ACTR3C: variants seen among roughly 807,000 people sequenced by gnomAD.
The protein encoded by ACTR3C is actin related protein 3C, also known as actin-related protein 3C.
In ACTR3C, 18 loss-of-function variants were observed where a neutral mutation model predicts 26.3. The ratio of observed to expected loss-of-function variants is 0.68; its 90% CI spans 0.47 to 1.01. The LOEUF (loss-of-function observed/expected upper bound fraction) is 1.01, where lower values mean the gene tolerates loss of function less well. Ranked by LOEUF, ACTR3C falls within the 50% of genes least tolerant of loss-of-function variation. ACTR3C has a pLI of 0.00. For synonymous variants in ACTR3C, 55 were observed against 94.5 expected, an observed-to-expected ratio of 0.58 and a Z score of 2.42; for missense variants, 184 against 250.7, an observed-to-expected ratio of 0.73 and a Z score of 1.80.
chr7:150,317,870 T>C (rs1158504589), intron 1 of ACTR3C, among the ~76,000 whole-genome samples: 1 of 151,932 alleles, frequency 6.6e-6, no homozygotes, highest in South Asian at 2.1e-4. Flanking sequence ...CAAGAACACA[T>C]CTGCAGTTGA....
the ACTR3C span, among the ~76,000 whole-genome samples, chr7:150,140,618 T>C: frequency 6.6e-6 from 1 of 152,208 alleles, no homozygotes; most frequent in Non-Finnish European, 1.5e-5. Flanking sequence ...TAGAGTTTGA[T>C]CACACACCTC....
chr7:150,238,274 T>C, the ACTR3C span, among the ~76,000 whole-genome samples: 122 of 129,122 alleles, frequency 9.4e-4, 5 homozygotes, highest in African/African-American at 4.1e-3. Context: ...CAGTAGGAGA[T>C]AACTTCGGAT....
the ACTR3C span, among the ~76,000 whole-genome samples, chr7:149,930,658 G>A: frequency 6.6e-6 from 1 of 152,212 alleles, no homozygotes; most frequent in Non-Finnish European, 1.5e-5. Flanking sequence ...GTGGCAACAG[G>A]GAAAGATGAA....
the ACTR3C span, among the ~76,000 whole-genome samples, chr7:150,032,931 C>T: frequency 6.3e-4 from 96 of 152,172 alleles, 1 homozygote; most frequent in East Asian, 0.015. Flanking sequence ...GGGTGGATTC[C>T]GGGCACTTGA....
downstream of ACTR3C, among the ~76,000 whole-genome samples, chr7:150,240,846 T>A (rs1832139194): frequency 6.6e-6 from 1 of 152,238 alleles, no homozygotes; most frequent in Non-Finnish European, 1.5e-5. Flanking sequence ...CCAGATCTAA[T>A]AATTGATGAT....
chr7:149,881,962 G>GT, the ACTR3C span: 2,805 of 153,066 alleles, frequency 0.018, 79 homozygotes, highest in African/African-American at 0.064. Flanking sequence ...GAGTGGGCAG[G>GT]TGGGGGGTGA....
the ACTR3C span, among the ~76,000 whole-genome samples, chr7:150,165,481 G>T: frequency 6.6e-6 from 1 of 150,976 alleles, no homozygotes; most frequent in Admixed American, 6.6e-5. Flanking sequence ...GTACTTTCTT[G>T]GGGAGAAGTT....
chr7:150,183,933 A>G, the ACTR3C span, among the ~76,000 whole-genome samples: 1 of 150,092 alleles, frequency 6.7e-6, no homozygotes, highest in African/African-American at 2.5e-5. Flanking sequence ...AGTGTCTGAT[A>G]TTTCCCCTAC....
chr7:150,290,274 T>A (rs1314612750), intron 3 of ACTR3C, among the ~76,000 whole-genome samples: 1 of 152,034 alleles, frequency 6.6e-6, no homozygotes, highest in East Asian at 1.9e-4. Context: ...GAAAGGAGGG[T>A]GACCACGACC....
the ACTR3C span, among the ~76,000 whole-genome samples, chr7:150,089,614 C>A: frequency 6.6e-6 from 1 of 152,290 alleles, no homozygotes; most frequent in South Asian, 2.1e-4. Flanking sequence ...TAAAGGTTAT[C>A]CTGCACTCAA....
At chr7:150,168,193 A>T in the ACTR3C span, among the ~76,000 whole-genome samples, 1 of 150,702 alleles carries the variant, frequency 6.6e-6, no homozygotes, top group Non-Finnish European at 1.5e-5. Context: ...AGAGGAGGTG[A>T]GGGGTGGCCA....
At chr7:150,037,759 C>G in the ACTR3C span, among the ~76,000 whole-genome samples, 1 of 41,880 alleles carries the variant, frequency 2.4e-5, no homozygotes, top group Non-Finnish European at 6.2e-5. Context: ...CCCACCCTCG[C>G]GGGGGGTGCC....
chr7:150,104,347 C>T, the ACTR3C span, among the ~76,000 whole-genome samples: 3 of 151,828 alleles, frequency 2.0e-5, no homozygotes, highest in African/African-American at 2.4e-5. Flanking sequence ...GAACTGGTTG[C>T]CTAATAAAAA....
At chr7:149,959,222 G>A in the ACTR3C span, among the ~76,000 whole-genome samples, 4 of 30,624 alleles carry the variant, frequency 1.3e-4, no homozygotes, top group East Asian at 4.5e-4. Flanking sequence ...TAATTAGCTC[G>A]CCCCCCACCC....
chr7:150,135,822 G>GA, the ACTR3C span, among the ~76,000 whole-genome samples: 1 of 140,564 alleles, frequency 7.1e-6, no homozygotes, highest in East Asian at 2.0e-4. Context: ...AGAAAGAAAA[G>GA]AAAAGAAAAG....
the ACTR3C span, among the ~76,000 whole-genome samples, chr7:150,165,552 C>A: frequency 6.6e-6 from 1 of 151,918 alleles, no homozygotes; most frequent in African/African-American, 2.4e-5. Flanking sequence ...CTTGCAATTT[C>A]TTTTTTCTTT....
chr7:150,179,575 T>A, the ACTR3C span, among the ~76,000 whole-genome samples: 1 of 149,228 alleles, frequency 6.7e-6, no homozygotes, highest in Non-Finnish European at 1.5e-5. Context: ...AGCCTTAACT[T>A]CCTGGACTCA....
the ACTR3C span, among the ~76,000 whole-genome samples, chr7:149,944,231 A>G: frequency 6.6e-6 from 1 of 151,992 alleles, no homozygotes; most frequent in African/African-American, 2.4e-5. Flanking sequence ...TGTGATCACA[A>G]ATGAATCCCT....
the ACTR3C span, among the ~76,000 whole-genome samples, chr7:150,222,984 G>A: frequency 6.6e-6 from 1 of 152,158 alleles, no homozygotes; most frequent in African/African-American, 2.4e-5. Context: ...GTGGTATAAT[G>A]TATAGTAAAA....
Sources: gnomAD v4.1 joint callset for allele counts (sites outside exome capture counted in the v4.1 genomes callset) on GRCh38, gnomAD v4.1.1 for gene constraint, MANE v1.5 for transcripts, NCBI Gene and HGNC (gene_info 2026-07-23, HGNC 2026-07-21) for gene names.